Variants in GPR158 observed in about 807,000 individuals in gnomAD.
GPR158 encodes the protein metabotropic glycine receptor.
Under a neutral mutation model 78.2 loss-of-function variants are expected in GPR158, and 30 were observed. The ratio of observed to expected loss-of-function variants is 0.38; its 90% CI spans 0.29 to 0.52. GPR158 has a LOEUF of 0.52. Ranked by LOEUF, GPR158 falls within the 20% of genes least tolerant of loss-of-function variation. The pLI is 0.83. For missense variants in GPR158, 1,463 were observed against 1,523.5 expected (o/e 0.96, Z 0.66); for synonymous variants, 581 against 591.1 (o/e 0.98, Z 0.25).
intron 6 of GPR158, among the ~76,000 whole-genome samples, chr10:25,553,734 C>A (rs989265883): frequency 1.3e-5 from 2 of 151,906 alleles, no homozygotes. Context: ...AACATATGGC[C>A]CTGAAGGAGG....
chr10:25,372,015 A>C (rs975631985), intron 2 of GPR158, among the ~76,000 whole-genome samples: 2 of 151,368 alleles, frequency 1.3e-5, no homozygotes, highest in African/African-American at 4.8e-5. Context: ...TACAAGACAA[A>C]AACAAACAAC....
intron 5 of GPR158, among the ~76,000 whole-genome samples, chr10:25,477,159 G>C (rs1835599299): frequency 6.6e-6 from 1 of 151,860 alleles, no homozygotes; most frequent in Non-Finnish European, 1.5e-5. Context: ...CCAGAGCATA[G>C]GTATTGCCCT....
chr10:25,175,988 G>C lies in GPR158; in HGVS notation c.568G>C (p.Val190Leu). The part of the protein sequence containing the change: ...TDSLSAPAPQ[V>L]FLQATREESR... ...TTCGCTGTCCGCACCGGCCCCACAG[G>C]TCTTCCTCCAGGCCACGCGCGAGGA... Residue 190 changes from valine to leucine, a missense_variant, in exon 1 of 11, where the codon GTC becomes CTC. By Grantham distance (32) the Val-to-Leu change is conservative. Transcript: ENST00000376351. The surrounding 1 kb of genome is among the most constrained non-coding windows in gnomAD (Gnocchi z 6.4). 1 of 1,613,284 alleles carries C rather than the reference G, an allele frequency of 6.2e-7. No individual in the cohort carries two copies. The highest frequency in any genetic ancestry group is 8.5e-7 in the Non-Finnish European group (1 of 1,179,924).
At chr10:25,423,143 A>G (rs1373142210) in intron 4 of GPR158, among the ~76,000 whole-genome samples, 5 of 145,962 alleles carry the variant, frequency 3.4e-5, no homozygotes, top group African/African-American at 8.1e-5. Flanking sequence ...ATACATATAC[A>G]TATATATGTA....
intron 7 of GPR158, among the ~76,000 whole-genome samples, chr10:25,584,126 G>GT: frequency 9.1e-6 from 1 of 110,054 alleles, no homozygotes; most frequent in Non-Finnish European, 2.0e-5. Flanking sequence ...TTTCTGAAAG[G>GT]ATCTCGAAAT....
chr10:25,420,562 C>T (rs921763598), intron 4 of GPR158, among the ~76,000 whole-genome samples: 3 of 152,122 alleles, frequency 2.0e-5, no homozygotes, highest in Admixed American at 6.6e-5. Context: ...AATGCTTTTC[C>T]TCTATGTTTT....
At chr10:25,542,823 C>CAAAAAAAA (rs5783943) in intron 5 of GPR158, among the ~76,000 whole-genome samples, 1 of 94,362 alleles carries the variant, frequency 1.1e-5, no homozygotes, top group Non-Finnish European at 2.1e-5. Context: ...AACTCCATCT[C>CAAAAAAAA]AAAAAAAAAA....
At chr10:25,322,842 CTT>C (rs112173925) in intron 2 of GPR158, among the ~76,000 whole-genome samples, 2,319 of 151,526 alleles carry the variant, frequency 0.015, 68 homozygotes, top group African/African-American at 0.053. Flanking sequence ...ATTGGCAAGT[CTT>C]TTTTTTTGTT....
intron 4 of GPR158, among the ~76,000 whole-genome samples, chr10:25,419,997 A>G (rs1834724865): frequency 6.6e-6 from 1 of 151,994 alleles, no homozygotes; most frequent in Non-Finnish European, 1.5e-5. Flanking sequence ...CCATTTCTTA[A>G]TCAGGTTATT....
intron 5 of GPR158, among the ~76,000 whole-genome samples, chr10:25,542,679 C>A (rs1836602581): frequency 6.6e-6 from 1 of 151,818 alleles, no homozygotes; most frequent in Non-Finnish European, 1.5e-5. Flanking sequence ...AACAAATTAG[C>A]TGGGCGTGGT....
chr10:25,545,887 TG>T (rs1836655673), intron 5 of GPR158, among the ~76,000 whole-genome samples: 1 of 152,196 alleles, frequency 6.6e-6, no homozygotes, highest in Admixed American at 6.6e-5. Flanking sequence ...TTACAATCGT[TG>T]CCCTCGTGCG....
intron 5 of GPR158, among the ~76,000 whole-genome samples, chr10:25,540,760 G>A (rs1307768447): frequency 6.6e-6 from 1 of 151,686 alleles, no homozygotes; most frequent in Non-Finnish European, 1.5e-5. Context: ...CTTGGACACA[G>A]GAAGGGGAAC....
chr10:25,258,545 A>G (rs1424300480), intron 2 of GPR158, among the ~76,000 whole-genome samples: 1 of 151,950 alleles, frequency 6.6e-6, no homozygotes, highest in African/African-American at 2.4e-5. Flanking sequence ...AATTTCTTCT[A>G]TGAGTTTTAA....
At chr10:25,357,893 A>C (rs114821356) in intron 2 of GPR158, among the ~76,000 whole-genome samples, 2,573 of 152,174 alleles carry the variant, frequency 0.017, 66 homozygotes, top group African/African-American at 0.051. Context: ...ATGTGCCTGG[A>C]AAAGCTGCAG....
intron 7 of GPR158, among the ~76,000 whole-genome samples, chr10:25,583,492 T>C (rs1405225231): frequency 6.6e-6 from 1 of 152,180 alleles, no homozygotes; most frequent in African/African-American, 2.4e-5. Context: ...AAATACTTAT[T>C]TATATTCAAG....
intron 4 of GPR158, among the ~76,000 whole-genome samples, chr10:25,418,237 T>G (rs894741704): frequency 6.6e-6 from 1 of 152,208 alleles, no homozygotes; most frequent in Non-Finnish European, 1.5e-5. Flanking sequence ...GTACATTTAA[T>G]TGAAAGAGAT....
In GPR158 at chr10:25,338,292, G is replaced by A. The variant is rs529136036; in HGVS notation, c.1009-57619G>A. Among the ~76,000 whole-genome samples the A allele has an allele frequency of 7.3e-4, 109 of 149,622 alleles. 1 individual carries two copies. Among genetic ancestry groups the A allele is most frequent in the Middle Eastern group, 3.5e-3 (1 of 284 alleles). On this transcript the variant is annotated intron_variant, in intron 2 of 10. Coordinates refer to ENST00000376351, the MANE Select transcript of GPR158 (RefSeq NM_020752.3). ...ATTATTATTTAGGTGTGAGGTAGGGGTAAAAACACATTTATTTCTGTATAA... is the reference window on the plus strand; with the variant it reads ...ATTATTATTTAGGTGTGAGGTAGGGATAAAAACACATTTATTTCTGTATAA...
At chr10:25,206,479 C>T (rs971389356) in intron 1 of GPR158, among the ~76,000 whole-genome samples, 1 of 151,964 alleles carries the variant, frequency 6.6e-6, no homozygotes, top group Non-Finnish European at 1.5e-5. Flanking sequence ...AATATTTATT[C>T]ACTTGGAAAT....
chr10:25,403,996 T>A (rs574499756), intron 3 of GPR158, among the ~76,000 whole-genome samples: 1 of 152,214 alleles, frequency 6.6e-6, no homozygotes, highest in East Asian at 1.9e-4. Flanking sequence ...TTTTAAACAA[T>A]CATAAGCTTA....
Sources: allele counts gnomAD v4.1 joint callset (sites outside exome capture counted in the v4.1 genomes callset), GRCh38; gene constraint gnomAD v4.1.1; non-coding constraint Gnocchi (gnomAD v3.1); transcripts MANE v1.5; gene names NCBI Gene and HGNC (gene_info 2026-07-23, HGNC 2026-07-21).